Variants in NOL4 observed in about 807,000 individuals in gnomAD.
NOL4 encodes nucleolar protein 4.
In NOL4, 17 loss-of-function variants were observed where a neutral mutation model predicts 75.9. The observed-to-expected ratio is 0.22, with a 90% confidence interval of 0.15 to 0.34. NOL4 has a LOEUF of 0.34. NOL4 is among the 10% of genes least tolerant of loss of function. The pLI is 1.00. For synonymous variants in NOL4, 292 were observed against 289.9 expected (o/e 1.01, Z -0.07); for missense variants, 614 against 793.5 (o/e 0.77, Z 2.72).
intron 1 of NOL4, among the ~76,000 whole-genome samples, chr18:34,164,275 A>G (rs2031990782): frequency 6.6e-6 from 1 of 152,056 alleles, no homozygotes; most frequent in South Asian, 2.1e-4. Flanking sequence ...TCTGCACAGC[A>G]AAAGAAACTA....
At chr18:33,899,252 G>C (rs1300154928) in intron 9 of NOL4, among the ~76,000 whole-genome samples, 1 of 152,084 alleles carries the variant, frequency 6.6e-6, no homozygotes, top group African/African-American at 2.4e-5. Context: ...GCAGTCATTG[G>C]TCACCTCTTA....
At chr18:34,083,236 T>C (rs780008141) in intron 5 of NOL4, among the ~76,000 whole-genome samples, 1 of 152,158 alleles carries the variant, frequency 6.6e-6, no homozygotes, top group Non-Finnish European at 1.5e-5. Context: ...TTGGCAATAT[T>C]TGTGAGCTTT....
chr18:34,082,229 TG>T lies in NOL4; in HGVS notation c.772+11235del, dbSNP rs547501946. On this transcript the variant is annotated intron_variant, in intron 5 of 10. Transcript: ENST00000261592. Reference sequence around the variant, plus strand: ...TGCGGTGGTTACACAGCTGGGCTTGTGGCAACTTAGAAACTCATGCTTAAAG... The same window carrying T: ...TGCGGTGGTTACACAGCTGGGCTTGTGCAACTTAGAAACTCATGCTTAAAG... 2.5e-3 allele frequency among the ~76,000 whole-genome samples: 382 copies of T among 152,266 alleles called. 1 individual carries two copies. The highest frequency in any genetic ancestry group is 8.5e-3 in the African/African-American group (352 of 41,556).
At chr18:34,005,170 A>G (rs1224148364) in intron 6 of NOL4, among the ~76,000 whole-genome samples, 2 of 152,096 alleles carry the variant, frequency 1.3e-5, no homozygotes, top group South Asian at 2.1e-4. Context: ...TTTCTGAAGA[A>G]ATCATATATT....
chr18:33,960,704 A>G (rs757695009), intron 6 of NOL4, among the ~76,000 whole-genome samples: 1 of 152,148 alleles, frequency 6.6e-6, no homozygotes, highest in Non-Finnish European at 1.5e-5. Context: ...GATTTTCCCA[A>G]TGTCACATAG....
intron 2 of NOL4, among the ~76,000 whole-genome samples, chr18:34,126,917 G>C (rs903283803): frequency 4.0e-5 from 6 of 151,812 alleles, no homozygotes; most frequent in Non-Finnish European, 8.8e-5. Context: ...AGATAACCAA[G>C]AGTAGACTAC....
At chr18:34,119,604 G>A (rs1466054438) in intron 2 of NOL4, among the ~76,000 whole-genome samples, 1 of 151,974 alleles carries the variant, frequency 6.6e-6, no homozygotes, top group Admixed American at 6.6e-5. Context: ...GCCCAGTCAG[G>A]AGTATCTGGG....
At chr18:34,116,662 A>G (rs191556367) in intron 2 of NOL4, among the ~76,000 whole-genome samples, 66 of 152,320 alleles carry the variant, frequency 4.3e-4, no homozygotes, top group African/African-American at 1.5e-3. Flanking sequence ...GAAGTAACAT[A>G]AAGTTAGAAA....
intron 5 of NOL4, among the ~76,000 whole-genome samples, chr18:34,032,586 G>A (rs1349089400): frequency 3.3e-5 from 5 of 152,028 alleles, no homozygotes; most frequent in East Asian, 1.9e-4. Context: ...TGGCCCACTC[G>A]GCTCATCACA....
rs117197044 is a variant in NOL4 at position 34,180,667 on chromosome 18, A to G, written c.264+42323T>C. ...TCCATGATGAAAAAAGAGGAAGTAT[A>G]TAACTATATTTGCAGATGACATGAT... is the stretch of plus-strand genomic sequence containing the variant. On this transcript the variant is annotated intron_variant, in intron 1 of 10. Coordinates refer to ENST00000261592, the MANE Select transcript of NOL4 (RefSeq NM_003787.5). 3.7e-4 allele frequency among the ~76,000 whole-genome samples: 56 copies of G among 151,646 alleles called. No homozygotes were observed. The East Asian group carries it at 0.011, about 29-fold the overall frequency.
intron 1 of NOL4, among the ~76,000 whole-genome samples, chr18:34,193,569 T>G (rs1320939903): frequency 6.6e-6 from 1 of 151,218 alleles, no homozygotes. Context: ...TAATGGCTAT[T>G]CTTTTTAAAA....
intron 5 of NOL4, among the ~76,000 whole-genome samples, chr18:34,088,682 G>T (rs920686168): frequency 6.6e-6 from 1 of 151,884 alleles, no homozygotes; most frequent in Non-Finnish European, 1.5e-5. Flanking sequence ...ACCTTTAAAT[G>T]ATTTTAACTT....
intron 5 of NOL4, among the ~76,000 whole-genome samples, chr18:34,059,139 A>ATG (rs1261825042): frequency 9.6e-6 from 1 of 104,310 alleles, no homozygotes; most frequent in East Asian, 2.0e-4. Flanking sequence ...ATATATATAT[A>ATG]TATATATATA....
At chr18:34,070,904 A>C (rs570634890) in intron 5 of NOL4, among the ~76,000 whole-genome samples, 24 of 152,320 alleles carry the variant, frequency 1.6e-4, no homozygotes, top group Admixed American at 1.3e-3. Context: ...TAATATATAA[A>C]ATCAATAACA....
At chr18:34,195,067 T>C (rs1010502077) in intron 1 of NOL4, among the ~76,000 whole-genome samples, 2 of 151,692 alleles carry the variant, frequency 1.3e-5, no homozygotes, top group Non-Finnish European at 2.9e-5. Context: ...AAAAACTATC[T>C]ACCTAAATGT....
Position 34,134,567 on chromosome 18 carries a change from T to A in NOL4, c.265-4547A>T, listed in dbSNP as rs934015281. Reference sequence around the variant, plus strand: ...CAATAATAGCTGGAAACGTAAAAGCTCACCTTCCAAAGTAGAACAATTAGG... The same window carrying A: ...CAATAATAGCTGGAAACGTAAAAGCACACCTTCCAAAGTAGAACAATTAGG... On this transcript the variant is annotated intron_variant, in intron 1 of 10. Transcript: ENST00000261592. Among the ~76,000 whole-genome samples the A allele has an allele frequency of 1.3e-4, 19 of 150,466 alleles. 1 individual carries two copies. The highest frequency in any genetic ancestry group is 5.9e-5 in the Non-Finnish European group (4 of 67,706).
intron 1 of NOL4, among the ~76,000 whole-genome samples, chr18:34,187,024 C>T (rs934809074): frequency 6.6e-6 from 1 of 152,134 alleles, no homozygotes; most frequent in African/African-American, 2.4e-5. Flanking sequence ...GATGAATCTA[C>T]CTTGGCAATC....
intron 9 of NOL4, among the ~76,000 whole-genome samples, chr18:33,918,742 C>A (rs2145235431): frequency 2.0e-5 from 3 of 152,106 alleles, no homozygotes; most frequent in Middle Eastern, 3.4e-3. Context: ...AGACACTTGC[C>A]AAAAACTAGG....
chr18:33,961,984 T>C (rs559590125), intron 6 of NOL4, among the ~76,000 whole-genome samples: 4 of 152,138 alleles, frequency 2.6e-5, no homozygotes, highest in African/African-American at 9.7e-5. Context: ...CCAGCACCTT[T>C]TTCTTTCAGA....
Sources: allele counts gnomAD v4.1 joint callset (sites outside exome capture counted in the v4.1 genomes callset), GRCh38; gene constraint gnomAD v4.1.1; transcripts MANE v1.5; gene names NCBI Gene and HGNC (gene_info 2026-07-23, HGNC 2026-07-21).